ANKS6: variants seen among roughly 807,000 people sequenced by gnomAD.
The protein encoded by ANKS6 is ankyrin repeat and SAM domain-containing protein 6.
A neutral mutation model predicts 77.9 loss-of-function variants in ANKS6; 47 were observed. The ratio of observed to expected loss-of-function variants is 0.60; its 90% CI spans 0.48 to 0.77. ANKS6 has a LOEUF of 0.77. Among genes scored for constraint, ANKS6 ranks in the 30% least tolerant of loss-of-function variants. The pLI, the probability that ANKS6 is intolerant of heterozygous loss-of-function variation, is 0.00. For synonymous variants in ANKS6, 488 were observed against 501.7 expected (o/e 0.97, Z 0.37); for missense variants, 1,150 against 1,159.1 (o/e 0.99, Z 0.11).
At chr9:98,761,567 C>T (rs1162532959) in intron 11 of ANKS6, among the ~76,000 whole-genome samples, 2 of 152,148 alleles carry the variant, frequency 1.3e-5, no homozygotes, top group Non-Finnish European at 2.9e-5. Context: ...CCAAATTTGC[C>T]AATTTTTTCT....
At chr9:98,772,581 T>C (rs572454260) in intron 9 of ANKS6, among the ~76,000 whole-genome samples, 3 of 151,980 alleles carry the variant, frequency 2.0e-5, no homozygotes, top group African/African-American at 4.8e-5. Context: ...CAGTGACAGA[T>C]CCCAGGGCCC....
chr9:98,746,530 G>A (rs1235241804), intron 13 of ANKS6, among the ~76,000 whole-genome samples: 3 of 152,068 alleles, frequency 2.0e-5, no homozygotes, highest in Admixed American at 6.5e-5. Flanking sequence ...TGACATTGGC[G>A]GGGTAGATCA....
chr9:98,778,461 G>C (rs1432201493), intron 6 of ANKS6, 37 bp from the exon 7 acceptor site: 2 of 1,602,372 alleles, frequency 1.2e-6, no homozygotes, highest in African/African-American at 1.3e-5. Flanking sequence ...CATGCTCCAG[G>C]AAGGGCAAGG....
intron 4 of ANKS6, 61 bp downstream of exon 4, chr9:98,783,892 T>A: frequency 7.4e-7 from 1 of 1,355,894 alleles, no homozygotes; most frequent in Non-Finnish European, 9.6e-7. Flanking sequence ...ATTGGGAACC[T>A]CCATCTCAGG....
At position 98,733,326 on chromosome 9, in the gene ANKS6, G is replaced by A. The variant is rs1031524247; in HGVS notation, c.*3193C>T. On this transcript the variant is annotated 3_prime_UTR_variant, in exon 15 of 15. Transcript: ENST00000353234. ...AGGGACTTGGACATCCAGCACTCAC[G>A]ACACACCAGCAAGACACTGCCTGGG... The A allele has an allele frequency of 1.7e-5, 17 of 985,352 alleles. No homozygotes were observed. Among genetic ancestry groups the A allele is most frequent in the South Asian group, 1.4e-4 (3 of 21,286 alleles). 61.0% of individuals were successfully genotyped at this position (985,352 alleles called of 1,614,324 possible). A position where few individuals can be genotyped will look rare whatever the true frequency, so the allele number is the denominator to read the frequency against.
chr9:98,763,587 A>T (rs913764441), intron 11 of ANKS6, among the ~76,000 whole-genome samples: 2 of 152,064 alleles, frequency 1.3e-5, no homozygotes, highest in Non-Finnish European at 2.9e-5. Flanking sequence ...TAGAGAAAGA[A>T]GATAAAACCC....
At chr9:98,739,467 A>G (rs1219096066) in intron 14 of ANKS6, among the ~76,000 whole-genome samples, 11 of 152,014 alleles carry the variant, frequency 7.2e-5, no homozygotes, top group African/African-American at 2.7e-4. Context: ...CATTTCTCCT[A>G]TTTGCTAGCT....
At chr9:98,751,210 AC>A in intron 12 of ANKS6, 114 bp from the exon 13 acceptor site, 1 of 857,790 alleles carries the variant, frequency 1.2e-6, no homozygotes, top group Non-Finnish European at 1.8e-6. Context: ...TATAAGAAAC[AC>A]CAACACAGAA....
At chr9:98,755,567 CTGGT>C in intron 12 of ANKS6, among the ~76,000 whole-genome samples, 1 of 152,250 alleles carries the variant, frequency 6.6e-6, no homozygotes, top group Non-Finnish European at 1.5e-5. Flanking sequence ...CAAGGCTCTC[CTGGT>C]TGCAGCAGAC....
rs1481707436 is a variant in ANKS6, at chr9:98,796,468, C to T, written c.24G>A (p.Pro8=). 5.0e-6 allele frequency: 5 copies of T among 992,476 alleles called. No homozygotes were observed. Among genetic ancestry groups the T allele is most frequent in the Admixed American group, 6.2e-5 (1 of 16,174 alleles). 61.5% of individuals were successfully genotyped at this position (992,476 alleles called of 1,614,324 possible). A position where few individuals can be genotyped will look rare whatever the true frequency, so the allele number is the denominator to read the frequency against. The change falls in exon 1 of 15, where the codon CCG becomes CCA. Residue 8 remains proline (P), a synonymous_variant. Transcript: ENST00000353234. MGEGGLP[P]AFQLLLRACD... ...ACGCGCGCAGCAGCAGCTGGAAGGC[C>T]GGGGGCAGCCCGCCCTCGCCCATCG...
rs575021016 is a variant in ANKS6, at chr9:98,751,114, G to GA, written c.2327-19dup. The GA allele has an allele frequency of 1.8e-3, 2,747 of 1,525,212 alleles. 1 individual carries two copies. Among genetic ancestry groups the GA allele is most frequent in the Non-Finnish European group, 1.9e-3 (2,192 of 1,125,146 alleles). 94.5% of individuals were successfully genotyped at this position (1,525,212 alleles called of 1,614,324 possible). On this transcript the variant is annotated intron_variant, in intron 12 of 14. Coordinates refer to ENST00000353234, the MANE Select transcript of ANKS6 (RefSeq NM_173551.5). The stretch of plus-strand genomic sequence containing the variant: ...CAGTTCATCTTCAAGATGGAAAGGT[G>GA]AAAAAAAAACAACACATTTTAGAAT...
chr9:98,736,130 T>C lies in ANKS6; in HGVS notation c.*389A>G. ...AGAGGACGTGAGCAGGAGTGATGTG[T>C]GTCAGTTAAGAGCAAGGCAGGTAAG... On this transcript the variant is annotated 3_prime_UTR_variant, in exon 15 of 15. Transcript: ENST00000353234. 8.7e-7 allele frequency: 1 copy of C among 1,150,110 alleles called. No homozygotes were observed. The highest frequency in any genetic ancestry group is 1.1e-6 in the Non-Finnish European group (1 of 933,836). 71.2% of individuals were successfully genotyped at this position (1,150,110 alleles called of 1,614,324 possible).
chr9:98,784,180 G>T, intron 3 of ANKS6, 23 bp from the exon 4 acceptor site: 1 of 1,507,000 alleles, frequency 6.6e-7, no homozygotes, highest in Non-Finnish European at 8.9e-7. Context: ...GCAGGAGTCC[G>T]GGTGAACTGT....
chr9:98,756,357 C>A (rs1441829664), intron 12 of ANKS6, 63 bp downstream of exon 12: 1 of 1,555,628 alleles, frequency 6.4e-7, no homozygotes, highest in Non-Finnish European at 8.7e-7. Flanking sequence ...CCTTGCAGTT[C>A]CTTGCTGCCA....
At chr9:98,781,149 C>T (rs1564215557) in intron 5 of ANKS6, among the ~76,000 whole-genome samples, 1 of 152,226 alleles carries the variant, frequency 6.6e-6, no homozygotes, top group Non-Finnish European at 1.5e-5. Flanking sequence ...ATCGACCCAC[C>T]TCAGCCTCCC....
At chr9:98,746,370 G>A (rs1832132441) in intron 13 of ANKS6, among the ~76,000 whole-genome samples, 1 of 152,146 alleles carries the variant, frequency 6.6e-6, no homozygotes, top group Non-Finnish European at 1.5e-5. Flanking sequence ...GGACAACAAT[G>A]GCCTCTGGCA....
chr9:98,745,441 G>A, intron 14 of ANKS6, 118 bp downstream of exon 14: 1 of 914,842 alleles, frequency 1.1e-6, no homozygotes, highest in Non-Finnish European at 1.8e-6. Flanking sequence ...CATGCTGGGA[G>A]GTAGTGAGTG....
At chr9:98,795,347 C>T (rs1835116512) in intron 1 of ANKS6, among the ~76,000 whole-genome samples, 1 of 152,134 alleles carries the variant, frequency 6.6e-6, no homozygotes, top group Admixed American at 6.5e-5. Flanking sequence ...CTCATCCTGT[C>T]ACTCATTCTG....
intron 12 of ANKS6, among the ~76,000 whole-genome samples, chr9:98,756,207 C>G (rs1832689833): frequency 6.6e-6 from 1 of 152,130 alleles, no homozygotes; most frequent in African/African-American, 2.4e-5. Context: ...CACCTATACT[C>G]AAAAACTCTT....
Sources: gnomAD v4.1 joint callset for allele counts (sites outside exome capture counted in the v4.1 genomes callset) on GRCh38, gnomAD v4.1.1 for gene constraint, MANE v1.5 for transcripts, NCBI Gene and HGNC (gene_info 2026-07-23, HGNC 2026-07-21) for gene names.